Variants in SUMF1 observed in about 807,000 individuals in gnomAD.
SUMF1 encodes the protein formylglycine-generating enzyme.
A neutral mutation model predicts 47.6 loss-of-function variants in SUMF1; 48 were observed. The ratio of observed to expected loss-of-function variants is 1.01; its 90% CI spans 0.80 to 1.28. The LOEUF (loss-of-function observed/expected upper bound fraction) is 1.28. Ranked by LOEUF, SUMF1 falls within the 50% of genes most tolerant of loss-of-function variation. SUMF1 has a pLI of 0.00. For synonymous variants in SUMF1, 230 were observed against 192.1 expected (o/e 1.20, Z -1.63); for missense variants, 571 against 485.4 (o/e 1.18, Z -1.66).
At chr3:4,106,886 C>G (rs1316967714) in intron 8 of SUMF1, among the ~76,000 whole-genome samples, 1 of 152,038 alleles carries the variant, frequency 6.6e-6, no homozygotes, top group Non-Finnish European at 1.5e-5. Flanking sequence ...CATAATAAAG[C>G]TATACCATCA....
intron 8 of SUMF1, among the ~76,000 whole-genome samples, chr3:4,275,511 C>T (rs1322649704): frequency 6.6e-6 from 1 of 152,184 alleles, no homozygotes; most frequent in Non-Finnish European, 1.5e-5. Context: ...CTCCCCACCT[C>T]CATCCCAGCA....
chr3:4,264,247 A>C (rs537313759), intron 8 of SUMF1, among the ~76,000 whole-genome samples: 11 of 152,280 alleles, frequency 7.2e-5, no homozygotes, highest in South Asian at 2.1e-4. Context: ...CTTTCTAGAG[A>C]CACTTCCCAG....
chr3:4,346,166 G>T (rs1486952222), intron 8 of SUMF1, among the ~76,000 whole-genome samples: 1 of 152,112 alleles, frequency 6.6e-6, no homozygotes, highest in East Asian at 1.9e-4. Flanking sequence ...CGCAGCTCTG[G>T]ATCAAGTGGA....
At chr3:4,419,919 C>T (rs1701835376) in intron 4 of SUMF1, 145 bp downstream of exon 4, 3 of 752,970 alleles carry the variant, frequency 4.0e-6, no homozygotes, top group Admixed American at 2.0e-5. Flanking sequence ...TTATTTCCCA[C>T]CATCTTATTT....
At position 4,284,069 on chromosome 3, in the gene SUMF1, C is replaced by G. The variant is rs1245232297; in HGVS notation, c.1014+92261G>C. Among the ~76,000 whole-genome samples the G allele has an allele frequency of 2.6e-5, 4 of 151,970 alleles. No individual in the cohort carries two copies. In the South Asian group the frequency reaches 8.3e-4, roughly 32 times the overall value. On this transcript the variant is annotated intron_variant and NMD_transcript_variant, in intron 8 of 12. Transcript: ENST00000448413. ...GAGGATACAAACATTCAGACCATAG[C>G]AAGAACCCTAGAGAAAATATCAAGG... is the stretch of plus-strand genomic sequence containing the variant.
intron 8 of SUMF1, among the ~76,000 whole-genome samples, chr3:4,098,885 T>G (rs1692966401): frequency 6.6e-6 from 1 of 152,138 alleles, no homozygotes; most frequent in Non-Finnish European, 1.5e-5. Flanking sequence ...CAATTGCAAT[T>G]TTTAAATATG....
chr3:4,135,264 G>T (rs1693897746), intron 8 of SUMF1, among the ~76,000 whole-genome samples: 1 of 152,082 alleles, frequency 6.6e-6, no homozygotes, highest in Non-Finnish European at 1.5e-5. Flanking sequence ...ACATCAAAAA[G>T]TTTATCCACC....
intron 8 of SUMF1, among the ~76,000 whole-genome samples, chr3:4,224,578 G>A (rs984220141): frequency 4.0e-5 from 6 of 151,876 alleles, no homozygotes; most frequent in African/African-American, 1.2e-4. Flanking sequence ...GCACAGCAAG[G>A]GGGCCAAGAT....
chr3:4,430,988 G>A (rs1437548114), intron 3 of SUMF1, among the ~76,000 whole-genome samples: 1 of 152,156 alleles, frequency 6.6e-6, no homozygotes, highest in Non-Finnish European at 1.5e-5. Context: ...AGATCTGGAA[G>A]GATGCCAAAA....
chr3:4,302,881 G>C (rs986739223), intron 8 of SUMF1, among the ~76,000 whole-genome samples: 1 of 152,154 alleles, frequency 6.6e-6, no homozygotes, highest in Non-Finnish European at 1.5e-5. Context: ...CTCCATCAGG[G>C]AGTGAGCATG....
rs369992956 is a variant in SUMF1, at chr3:4,059,833, A to T, written c.1191+8736T>A. 2.4e-4 allele frequency among the ~76,000 whole-genome samples: 36 copies of T among 151,002 alleles called. No homozygotes were observed. In the South Asian group the frequency reaches 7.3e-3, roughly 31 times the overall value. On this transcript the variant is annotated intron_variant and NMD_transcript_variant, in intron 9 of 12. Coordinates refer to the SUMF1 transcript ENST00000448413. ...AAAAACCTTGAGCTGAGATCTGAAA[A>T]GTAAATCAGAGGTGACCAGGGCAAG...
At chr3:4,244,962 G>A (rs1466629449) in intron 8 of SUMF1, among the ~76,000 whole-genome samples, 2 of 151,480 alleles carry the variant, frequency 1.3e-5, no homozygotes, top group Non-Finnish European at 2.9e-5. Context: ...TTTTTCTCTT[G>A]TCTTCTTGCT....
chr3:4,133,167 G>C (rs754091869), intron 8 of SUMF1, among the ~76,000 whole-genome samples: 9 of 152,068 alleles, frequency 5.9e-5, no homozygotes, highest in South Asian at 2.1e-4. Flanking sequence ...GTATACACTT[G>C]TACTAAGAAA....
At chr3:4,070,152 G>C in intron 8 of SUMF1, among the ~76,000 whole-genome samples, 1 of 152,112 alleles carries the variant, frequency 6.6e-6, no homozygotes, top group East Asian at 1.9e-4. Flanking sequence ...TAGTCTGGGA[G>C]CTCCCACTTT....
intron 8 of SUMF1, among the ~76,000 whole-genome samples, chr3:4,157,203 TC>T (rs1413135503): frequency 6.6e-6 from 1 of 151,544 alleles, no homozygotes. Flanking sequence ...CACAGACATC[TC>T]CAATTCAGAA....
intron 8 of SUMF1, among the ~76,000 whole-genome samples, chr3:4,083,126 T>C (rs766072447): frequency 2.0e-5 from 3 of 152,216 alleles, no homozygotes; most frequent in Non-Finnish European, 2.9e-5. Context: ...CTGAAAAGGA[T>C]GAAATCCTGG....
At chr3:4,390,480 C>T (rs564961556) in intron 7 of SUMF1, among the ~76,000 whole-genome samples, 19 of 152,254 alleles carry the variant, frequency 1.2e-4, no homozygotes, top group East Asian at 5.8e-4. Context: ...CCTACTTGCT[C>T]CTTTGGCTAG....
chr3:4,269,524 C>G (rs1042360564), intron 8 of SUMF1, among the ~76,000 whole-genome samples: 1 of 152,166 alleles, frequency 6.6e-6, no homozygotes, highest in Admixed American at 6.5e-5. Flanking sequence ...ATCAAACAAT[C>G]TTAACCAAAG....
At chr3:4,382,479 T>C (rs1347699934) in intron 7 of SUMF1, among the ~76,000 whole-genome samples, 4 of 152,120 alleles carry the variant, frequency 2.6e-5, no homozygotes, top group African/African-American at 9.7e-5. Context: ...ACCCAGGCCA[T>C]GGGAAATTCT....
Sources: allele counts gnomAD v4.1 joint callset (sites outside exome capture counted in the v4.1 genomes callset), GRCh38; gene constraint gnomAD v4.1.1; transcripts MANE v1.5; gene names NCBI Gene and HGNC (gene_info 2026-07-23, HGNC 2026-07-21).